Variants in HS2ST1 observed in about 807,000 individuals in gnomAD.
The protein encoded by HS2ST1 is heparan sulfate 2-O-sulfotransferase 1.
A neutral mutation model predicts 42.9 loss-of-function variants in HS2ST1; 18 were observed. The ratio of observed to expected loss-of-function variants is 0.42; its 90% CI spans 0.29 to 0.62. The LOEUF is 0.62. Ranked by LOEUF, HS2ST1 falls within the 20% of genes least tolerant of loss-of-function variation. The pLI is 0.21. For missense variants in HS2ST1, 334 were observed against 433.8 expected, an observed-to-expected ratio of 0.77 and a Z score of 2.04; for synonymous variants, 146 against 152.9, an observed-to-expected ratio of 0.95 and a Z score of 0.33.
rs914909670 is a variant in HS2ST1, at chr1:87,045,974, T to G, written c.125-26960T>G. 9.7e-6 allele frequency: 7 copies of G among 719,326 alleles called. No homozygotes were observed. The African/African-American group carries it at 1.2e-4, about 13-fold the overall frequency. The allele number at this position is 719,326 out of a possible 1,614,324, so 44.6% of individuals were successfully genotyped here. A position where few individuals can be genotyped will look rare whatever the true frequency, so the allele number is the denominator to read the frequency against. ...GTCAGCAACCTCAACAGTTTTTGTT[T>G]CAAAAGAAACATGTTGGAAGATCAA... On this transcript the variant is annotated intron_variant, in intron 1 of 6. Transcript: ENST00000370550.
chr1:87,001,546 A>G (rs568759604), intron 1 of HS2ST1, among the ~76,000 whole-genome samples: 1 of 152,378 alleles, frequency 6.6e-6, no homozygotes, highest in South Asian at 2.1e-4. Flanking sequence ...GCTCAGAATT[A>G]AAGAACTTTA....
At chr1:86,921,687 A>G (rs188673289) in intron 1 of HS2ST1, among the ~76,000 whole-genome samples, 7 of 152,302 alleles carry the variant, frequency 4.6e-5, no homozygotes, top group South Asian at 4.1e-4. Flanking sequence ...AAGTCCCTCA[A>G]CAGATGCTGG....
intron 2 of HS2ST1, 74 bp from the exon 3 acceptor site, chr1:87,084,120 C>A: frequency 1.0e-6 from 1 of 958,318 alleles, no homozygotes; most frequent in Non-Finnish European, 1.6e-6. Context: ...AAATTCCTAT[C>A]TTGGAAATAT....
intron 1 of HS2ST1, among the ~76,000 whole-genome samples, chr1:86,937,271 C>T (rs899580782): frequency 2.6e-5 from 4 of 152,054 alleles, no homozygotes; most frequent in Admixed American, 1.3e-4. Flanking sequence ...TCCTTCCTTC[C>T]AGAGGTATTA....
At chr1:87,097,721 T>C (rs1225036950) in intron 4 of HS2ST1, 117 bp from the exon 5 acceptor site, 9 of 1,154,818 alleles carry the variant, frequency 7.8e-6, no homozygotes, top group South Asian at 3.1e-5. Flanking sequence ...CCAAAAAAAA[T>C]AAGAGTGTCT....
intron 1 of HS2ST1, among the ~76,000 whole-genome samples, chr1:86,940,720 G>A (rs1279913598): frequency 6.6e-6 from 1 of 152,200 alleles, no homozygotes; most frequent in Non-Finnish European, 1.5e-5. Context: ...ACTGGGCACA[G>A]TGGCTTACAC....
intron 1 of HS2ST1, among the ~76,000 whole-genome samples, chr1:86,934,163 C>G (rs1660597270): frequency 6.6e-6 from 1 of 152,130 alleles, no homozygotes; most frequent in Non-Finnish European, 1.5e-5. Flanking sequence ...TATTTCTCTT[C>G]CCACAAGTTG....
chr1:86,979,450 T>C (rs1648517179), intron 1 of HS2ST1, among the ~76,000 whole-genome samples: 1 of 152,216 alleles, frequency 6.6e-6, no homozygotes, highest in African/African-American at 2.4e-5. Context: ...AATAGTCATA[T>C]AGCACTGGAT....
chr1:87,063,071 A>G (rs1651157982), intron 1 of HS2ST1, among the ~76,000 whole-genome samples: 1 of 152,160 alleles, frequency 6.6e-6, no homozygotes, highest in Non-Finnish European at 1.5e-5. Flanking sequence ...GTTGTCAGCC[A>G]TAATTTCTTT....
chr1:87,019,371 C>T (rs1476004025), intron 1 of HS2ST1, among the ~76,000 whole-genome samples: 2 of 152,124 alleles, frequency 1.3e-5, no homozygotes, highest in African/African-American at 2.4e-5. Context: ...GCACTTGATC[C>T]GTTAAAACTA....
chr1:86,961,283 C>T (rs1647837200), intron 1 of HS2ST1, among the ~76,000 whole-genome samples: 7 of 151,518 alleles, frequency 4.6e-5, no homozygotes. Flanking sequence ...AAATGAACTA[C>T]AGATGTGATG....
chr1:87,012,765 T>A (rs1649638571), intron 1 of HS2ST1, among the ~76,000 whole-genome samples: 1 of 152,170 alleles, frequency 6.6e-6, no homozygotes, highest in Non-Finnish European at 1.5e-5. Context: ...AGCAAGTTAG[T>A]TACTTCCTAG....
intron 5 of HS2ST1, chr1:87,098,481 G>A (rs749535875): frequency 2.1e-5 from 10 of 469,478 alleles, no homozygotes; most frequent in Middle Eastern, 1.1e-3. Context: ...ATAATTTTAC[G>A]TATTTATTTG....
At chr1:86,971,866 A>C (rs1218607299) in intron 1 of HS2ST1, among the ~76,000 whole-genome samples, 2 of 152,166 alleles carry the variant, frequency 1.3e-5, no homozygotes, top group African/African-American at 4.8e-5. Context: ...TTCTGATCTC[A>C]GAAGATATGA....
intron 1 of HS2ST1, among the ~76,000 whole-genome samples, chr1:86,976,422 A>G (rs1648400677): frequency 6.6e-6 from 1 of 152,170 alleles, no homozygotes; most frequent in Admixed American, 6.5e-5. Context: ...GACAATGCTG[A>G]ATGCTTCCTA....
At chr1:86,920,024 G>C (rs1660259896) in intron 1 of HS2ST1, among the ~76,000 whole-genome samples, 1 of 152,218 alleles carries the variant, frequency 6.6e-6, no homozygotes, top group Non-Finnish European at 1.5e-5. Flanking sequence ...GAGCGCACTT[G>C]TTGCTAATAT....
At chr1:87,007,200 T>A (rs574378172) in intron 1 of HS2ST1, among the ~76,000 whole-genome samples, 1 of 152,194 alleles carries the variant, frequency 6.6e-6, no homozygotes, top group East Asian at 1.9e-4. Flanking sequence ...TGATACTACT[T>A]GTTCTAGTTT....
At chr1:87,101,308 G>A (rs1237728501) in intron 5 of HS2ST1, among the ~76,000 whole-genome samples, 1 of 151,728 alleles carries the variant, frequency 6.6e-6, no homozygotes, top group Non-Finnish European at 1.5e-5. Flanking sequence ...TGGGATTACA[G>A]GCGTGTGCCA....
chr1:87,105,433 CATTAAT>C lies in HS2ST1; in HGVS notation c.*740_*745del, dbSNP rs1652306616. The stretch of plus-strand genomic sequence containing the variant: ...TGAAGTTTTAGTTAAGATTTTCACA[CATTAAT>C]ATCAAAAAAGTAAGTTTAGTATTTG... On this transcript the variant is annotated 3_prime_UTR_variant, in exon 7 of 7. Transcript: ENST00000370550. The C allele has an allele frequency of 6.6e-6, 1 of 152,382 alleles. No homozygotes were observed. Among genetic ancestry groups the C allele is most frequent in the Admixed American group, 6.6e-5 (1 of 15,256 alleles). The allele number at this position is 152,382 out of a possible 1,614,324, so 9.4% of individuals were successfully genotyped here.
Sources: allele counts gnomAD v4.1 joint callset (sites outside exome capture counted in the v4.1 genomes callset), GRCh38; gene constraint gnomAD v4.1.1; transcripts MANE v1.5; gene names NCBI Gene and HGNC (gene_info 2026-07-23, HGNC 2026-07-21).